Variants in SPATA6 observed in about 807,000 individuals in gnomAD.
The protein encoded by SPATA6 is spermatogenesis-associated protein 6.
SPATA6 carries 56 observed loss-of-function variants against 65.3 expected under a neutral mutation model. The ratio of observed to expected loss-of-function variants is 0.86; its 90% confidence interval spans 0.69 to 1.07. The LOEUF (loss-of-function observed/expected upper bound fraction) is 1.07, where lower values mean the gene tolerates loss of function less well. Ranked by LOEUF, SPATA6 falls within the 50% of genes least tolerant of loss-of-function variation. The pLI, the probability that SPATA6 is intolerant of heterozygous loss-of-function variation, is 0.00. For synonymous variants in SPATA6, 199 were observed against 213.2 expected (o/e 0.93, Z 0.58); for missense variants, 590 against 594.8 (o/e 0.99, Z 0.08).
chr1:48,323,616 G>GAAA (rs34150171), intron 11 of SPATA6, among the ~76,000 whole-genome samples: 1 of 105,284 alleles, frequency 9.5e-6, no homozygotes. Flanking sequence ...CACAACAACA[G>GAAA]AAAAAAAAAA....
intron 8 of SPATA6, among the ~76,000 whole-genome samples, chr1:48,389,266 A>G (rs772059625): frequency 6.6e-6 from 1 of 152,232 alleles, no homozygotes; most frequent in African/African-American, 2.4e-5. Flanking sequence ...TAAAAAATGA[A>G]CAAAACCTTT....
intron 3 of SPATA6, among the ~76,000 whole-genome samples, chr1:48,444,210 C>T (rs1351894141): frequency 6.6e-6 from 1 of 152,040 alleles, no homozygotes; most frequent in Non-Finnish European, 1.5e-5. Flanking sequence ...CACCAATCAG[C>T]GCTCTATGTA....
chr1:48,418,480 G>C (rs894643730), intron 3 of SPATA6, among the ~76,000 whole-genome samples: 4 of 144,094 alleles, frequency 2.8e-5, no homozygotes, highest in Non-Finnish European at 6.0e-5. Flanking sequence ...GGCCAAGTTG[G>C]GAGGGTTGCT....
intron 6 of SPATA6, 71 bp downstream of exon 6, chr1:48,403,731 C>A (rs563423238): frequency 1.4e-5 from 18 of 1,261,622 alleles, no homozygotes; most frequent in Non-Finnish European, 2.0e-5. Flanking sequence ...AAATAAATAA[C>A]GCTTGCCAAA....
At chr1:48,443,716 C>T (rs529021277) in intron 3 of SPATA6, among the ~76,000 whole-genome samples, 1 of 152,204 alleles carries the variant, frequency 6.6e-6, no homozygotes, top group Non-Finnish European at 1.5e-5. Flanking sequence ...AATCAGACAA[C>T]GCCTGTCAAA....
At chr1:48,305,265 T>C (rs1465915755) in intron 12 of SPATA6, among the ~76,000 whole-genome samples, 1 of 152,198 alleles carries the variant, frequency 6.6e-6, no homozygotes, top group Non-Finnish European at 1.5e-5. Context: ...ACTAGTGGTA[T>C]AACATCCAAG....
intron 3 of SPATA6, among the ~76,000 whole-genome samples, chr1:48,438,232 C>T (rs2148091467): frequency 6.6e-6 from 1 of 152,272 alleles, no homozygotes; most frequent in East Asian, 1.9e-4. Flanking sequence ...AGACCAAGAA[C>T]CCACCAGAAG....
chr1:48,423,570 T>C (rs1228852868), intron 3 of SPATA6, among the ~76,000 whole-genome samples: 1 of 146,496 alleles, frequency 6.8e-6, no homozygotes, highest in East Asian at 1.9e-4. Context: ...CTTTCTTTTT[T>C]TTTTTTTTTT....
intron 11 of SPATA6, among the ~76,000 whole-genome samples, chr1:48,341,973 A>T (rs1298101864): frequency 6.6e-6 from 1 of 152,210 alleles, no homozygotes; most frequent in African/African-American, 2.4e-5. Context: ...TCACCAAAGA[A>T]TATACACAAT....
chr1:48,285,984 T>C, the SPATA6 span, among the ~76,000 whole-genome samples: 3,754 of 152,288 alleles, frequency 0.025, 100 homozygotes, highest in African/African-American at 0.067. Flanking sequence ...TGACCATATA[T>C]GCATGAGTTT....
At chr1:48,456,785 A>G (rs1313469769) in intron 1 of SPATA6, among the ~76,000 whole-genome samples, 1 of 152,212 alleles carries the variant, frequency 6.6e-6, no homozygotes, top group Non-Finnish European at 1.5e-5. Context: ...GCTGTCGGAA[A>G]AAGAATAAGG....
chr1:48,434,950 G>T (rs562958388), intron 3 of SPATA6, among the ~76,000 whole-genome samples: 2 of 150,824 alleles, frequency 1.3e-5, no homozygotes, highest in African/African-American at 4.9e-5. Context: ...TTAATATCAT[G>T]GGCATTTAAT....
At chr1:48,321,765 C>T (rs1038021694) in intron 11 of SPATA6, among the ~76,000 whole-genome samples, 3 of 152,106 alleles carry the variant, frequency 2.0e-5, no homozygotes, top group African/African-American at 7.2e-5. Flanking sequence ...AATCATATGT[C>T]AGGCCCCAAA....
intron 11 of SPATA6, among the ~76,000 whole-genome samples, chr1:48,317,449 T>C (rs1645468177): frequency 6.6e-6 from 1 of 151,962 alleles, no homozygotes; most frequent in Non-Finnish European, 1.5e-5. Flanking sequence ...ACACCGCATG[T>C]TCTCACTCAC....
At position 48,380,644 on chromosome 1, in the gene SPATA6, T is replaced by C. The variant is rs997578145; in HGVS notation, c.909+4665A>G. Among the ~76,000 whole-genome samples, 3 of 152,348 alleles carry C rather than the reference T, an allele frequency of 2.0e-5. No individual in the cohort carries two copies. The East Asian group carries it at 5.8e-4, about 29-fold the overall frequency. On this transcript the variant is annotated intron_variant, in intron 9 of 12. Transcript: ENST00000371847. Reference sequence around the variant, plus strand: ...ATAATATGCATATGTTAGGAATTCCTACTATATGTCAGATAATATGCTAGG... The same window carrying C: ...ATAATATGCATATGTTAGGAATTCCCACTATATGTCAGATAATATGCTAGG...
chr1:48,366,503 T>A (rs1557621125), intron 9 of SPATA6, among the ~76,000 whole-genome samples: 1 of 152,190 alleles, frequency 6.6e-6, no homozygotes, highest in African/African-American at 2.4e-5. Flanking sequence ...CAGAGTCAAC[T>A]TCTTCCTGGT....
chr1:48,401,873 C>T (rs1322326407), intron 6 of SPATA6, among the ~76,000 whole-genome samples: 1 of 152,108 alleles, frequency 6.6e-6, no homozygotes, highest in African/African-American at 2.4e-5. Context: ...CTATGTGATA[C>T]AGCAGATTAA....
intron 3 of SPATA6, among the ~76,000 whole-genome samples, chr1:48,446,449 G>GCTA (rs1159764029): frequency 6.6e-6 from 1 of 152,172 alleles, no homozygotes; most frequent in Non-Finnish European, 1.5e-5. Flanking sequence ...CACTTGAGAA[G>GCTA]CTACAAGGGC....
At chr1:48,315,028 T>G (rs1435866541) in intron 11 of SPATA6, among the ~76,000 whole-genome samples, 2 of 151,946 alleles carry the variant, frequency 1.3e-5, no homozygotes, top group East Asian at 3.9e-4. Flanking sequence ...AATAACAGGC[T>G]CTGAAATTGA....
Sources: gnomAD v4.1 joint callset for allele counts (sites outside exome capture counted in the v4.1 genomes callset) on GRCh38, gnomAD v4.1.1 for gene constraint, MANE v1.5 for transcripts, NCBI Gene and HGNC (gene_info 2026-07-23, HGNC 2026-07-21) for gene names.